Variants in ERP44 observed in about 807,000 individuals in gnomAD.
The protein encoded by ERP44 is endoplasmic reticulum protein 44, also known as endoplasmic reticulum resident protein 44.
Under a neutral mutation model 53.4 loss-of-function variants are expected in ERP44, and 25 were observed. The ratio of observed to expected loss-of-function variants is 0.47; its 90% CI spans 0.34 to 0.65. ERP44 has a LOEUF of 0.65. ERP44 is among the 30% of genes least tolerant of loss of function. ERP44 has a pLI of 0.01. For synonymous variants in ERP44, 145 were observed against 161.2 expected (o/e 0.90, Z 0.76); for missense variants, 338 against 493.2 (o/e 0.69, Z 2.98).
chr9:100,033,741 C>T (rs185709648), intron 4 of ERP44, among the ~76,000 whole-genome samples: 88 of 152,234 alleles, frequency 5.8e-4, no homozygotes, highest in Admixed American at 1.0e-3. Flanking sequence ...TGTGAATCAA[C>T]CAGTCATCTC....
chr9:100,042,037 A>G (rs150106666), intron 4 of ERP44, among the ~76,000 whole-genome samples: 131 of 152,344 alleles, frequency 8.6e-4, no homozygotes, highest in African/African-American at 2.9e-3. Flanking sequence ...ACAGGCAACC[A>G]AAGTAAATAA....
chr9:100,075,549 G>A (rs956503437), intron 1 of ERP44, among the ~76,000 whole-genome samples: 2 of 152,188 alleles, frequency 1.3e-5, no homozygotes, highest in South Asian at 2.1e-4. Flanking sequence ...GATCCAGAGA[G>A]CAAGAAGTAG....
At chr9:99,999,640 T>C (rs960502440) in intron 10 of ERP44, among the ~76,000 whole-genome samples, 1 of 152,224 alleles carries the variant, frequency 6.6e-6, no homozygotes, top group Non-Finnish European at 1.5e-5. Context: ...GTTGTTTTTT[T>C]CACTTTGTAG....
rs755998632 is a variant in ERP44, at chr9:99,981,776, A to G, written c.*836T>C. ...ACAGAAGGAGCTTAAAATTACTGAA[A>G]TACAATTTCTCTGCTAGTTCTTCTC... On this transcript the variant is annotated 3_prime_UTR_variant, in exon 12 of 12. Coordinates refer to ENST00000262455, the MANE Select transcript of ERP44 (RefSeq NM_015051.3). 2.6e-5 allele frequency: 4 copies of G among 152,200 alleles called. No individual in the cohort carries two copies. The highest frequency in any genetic ancestry group is 5.9e-5 in the Non-Finnish European group (4 of 68,030). 9.4% of individuals were successfully genotyped at this position (152,200 alleles called of 1,614,324 possible). A position where few individuals can be genotyped will look rare whatever the true frequency, so the allele number is the denominator to read the frequency against.
chr9:100,043,258 CAAAAAAAAAAAA>C (rs56066117), intron 4 of ERP44, among the ~76,000 whole-genome samples: 15 of 20,268 alleles, frequency 7.4e-4, no homozygotes, highest in African/African-American at 1.8e-3. Context: ...GACTCTGTCT[CAAAAAAAAAAAA>C]AAAAAAAAAA....
intron 1 of ERP44, among the ~76,000 whole-genome samples, chr9:100,086,020 A>G (rs902674949): frequency 2.0e-5 from 3 of 152,254 alleles, no homozygotes; most frequent in Non-Finnish European, 2.9e-5. Flanking sequence ...GAGAAAGATT[A>G]TATTTTTCTA....
At chr9:100,003,106 T>C (rs1830394644) in intron 10 of ERP44, among the ~76,000 whole-genome samples, 1 of 152,240 alleles carries the variant, frequency 6.6e-6, no homozygotes, top group Non-Finnish European at 1.5e-5. Context: ...TCATTCATTG[T>C]GTTCTTCAGC....
chr9:99,984,054 C>T (rs1160328188), intron 11 of ERP44, among the ~76,000 whole-genome samples: 1 of 152,106 alleles, frequency 6.6e-6, no homozygotes, highest in Non-Finnish European at 1.5e-5. Context: ...ACAAGTTTGC[C>T]TCCTATAGTT....
chr9:100,039,797 C>A (rs1036660632), intron 4 of ERP44, among the ~76,000 whole-genome samples: 7 of 151,648 alleles, frequency 4.6e-5, no homozygotes, highest in Admixed American at 6.6e-5. Flanking sequence ...AAAAAAAGAG[C>A]GAAGACCTAA....
chr9:100,017,415 A>G (rs1282918334), intron 7 of ERP44, among the ~76,000 whole-genome samples: 1 of 152,226 alleles, frequency 6.6e-6, no homozygotes, highest in African/African-American at 2.4e-5. Context: ...TGCTCTGAAC[A>G]ACCACACTAC....
intron 10 of ERP44, among the ~76,000 whole-genome samples, chr9:99,992,902 T>C (rs1240853350): frequency 3.9e-5 from 6 of 152,138 alleles, no homozygotes; most frequent in Non-Finnish European, 1.5e-5. Context: ...ATGAGTGAAC[T>C]CCCATTCACA....
rs1313516347 is a variant in ERP44, at chr9:99,999,164, C to A, written c.1016+7342G>T. ...CGCTGGGAGGCCAGGGCTCCGCCCC[C>A]CGACCCTGTCCCCCGCCCCTCCCCC... On this transcript the variant is annotated intron_variant, in intron 10 of 11. Coordinates refer to ENST00000262455, the MANE Select transcript of ERP44 (RefSeq NM_015051.3). 10 of 548,208 alleles carry A rather than the reference C, an allele frequency of 1.8e-5. No homozygotes were observed. The East Asian group carries it at 2.5e-4, about 14-fold the overall frequency. 34.0% of individuals were successfully genotyped at this position (548,208 alleles called of 1,614,324 possible).
rs141709848 is a variant in ERP44, at chr9:100,036,100, T to C, written c.287-13874A>G. 1.1e-4 allele frequency among the ~76,000 whole-genome samples: 17 copies of C among 152,340 alleles called. No individual in the cohort carries two copies. In the East Asian group the frequency reaches 3.3e-3, roughly 29 times the overall value. ...CCAAAAGGACACATGCATGCATATG[T>C]TCCTCGCAGCACTATTCACAATAGC... is the stretch of plus-strand genomic sequence containing the variant. On this transcript the variant is annotated intron_variant, in intron 4 of 11. Coordinates refer to ENST00000262455, the MANE Select transcript of ERP44 (RefSeq NM_015051.3).
At chr9:100,041,206 A>T (rs1825897195) in intron 4 of ERP44, among the ~76,000 whole-genome samples, 1 of 152,222 alleles carries the variant, frequency 6.6e-6, no homozygotes, top group Non-Finnish European at 1.5e-5. Flanking sequence ...TCTTAAGCAA[A>T]AAGAACAAAA....
chr9:100,098,460 T>G (rs1395908100), intron 1 of ERP44, among the ~76,000 whole-genome samples: 1 of 152,172 alleles, frequency 6.6e-6, no homozygotes, highest in Non-Finnish European at 1.5e-5. Flanking sequence ...CTTGGTCTTT[T>G]CCGATTCAAG....
intron 1 of ERP44, among the ~76,000 whole-genome samples, chr9:100,075,682 C>T (rs754871290): frequency 6.6e-5 from 10 of 152,146 alleles, no homozygotes; most frequent in African/African-American, 1.7e-4. Flanking sequence ...TGGGGCCTGT[C>T]GAGATATTCC....
chr9:100,062,996 C>T (rs1216860351), intron 1 of ERP44, among the ~76,000 whole-genome samples: 1 of 145,140 alleles, frequency 6.9e-6, no homozygotes, highest in Non-Finnish European at 1.5e-5. Context: ...ATCACTTGAA[C>T]CCAGAAGTTC....
chr9:100,086,699 G>A (rs192752860), intron 1 of ERP44, among the ~76,000 whole-genome samples: 1 of 152,290 alleles, frequency 6.6e-6, no homozygotes, highest in African/African-American at 2.4e-5. Context: ...GCTAAAAAGA[G>A]AGGGAGCTAG....
chr9:100,026,567 G>A (rs767940590), intron 4 of ERP44, among the ~76,000 whole-genome samples: 9 of 152,140 alleles, frequency 5.9e-5, no homozygotes, highest in Non-Finnish European at 1.3e-4. Context: ...GTTGTAATCA[G>A]AAAGTTACAA....
Sources: allele counts gnomAD v4.1 joint callset (sites outside exome capture counted in the v4.1 genomes callset), GRCh38; gene constraint gnomAD v4.1.1; transcripts MANE v1.5; gene names NCBI Gene and HGNC (gene_info 2026-07-23, HGNC 2026-07-21).